The following QSER1 variants were observed in gnomAD, a reference collection of about 807,000 sequenced individuals.
QSER1 encodes the protein glutamine and serine rich 1.
A neutral mutation model predicts 158.5 loss-of-function variants in QSER1; 49 were observed. The observed-to-expected ratio is 0.31, with a 90% CI of 0.25 to 0.39. The LOEUF (loss-of-function observed/expected upper bound fraction) is 0.39, where lower values mean the gene tolerates loss of function less well. Ranked by LOEUF, QSER1 falls within the 10% of genes least tolerant of loss-of-function variation. The pLI, the probability that QSER1 is intolerant of heterozygous loss-of-function variation, is 1.00. For missense variants in QSER1, 1,754 were observed against 2,010.3 expected, an observed-to-expected ratio of 0.87 and a Z score of 2.44; for synonymous variants, 650 against 715.5, an observed-to-expected ratio of 0.91 and a Z score of 1.46.
At chr11:32,923,837 G>A (rs187238091) in intron 1 of QSER1, among the ~76,000 whole-genome samples, 27 of 152,086 alleles carry the variant, frequency 1.8e-4, no homozygotes, top group East Asian at 1.4e-3. Flanking sequence ...GTGTGATGGC[G>A]GGTGCCTGTA....
chr11:32,923,544 G>A (rs1470808820), intron 1 of QSER1, among the ~76,000 whole-genome samples: 1 of 152,110 alleles, frequency 6.6e-6, no homozygotes, highest in Non-Finnish European at 1.5e-5. Flanking sequence ...CTGGCGCAGT[G>A]GTGCACGCCT....
At chr11:32,957,143 T>C (rs1475802951) in intron 7 of QSER1, among the ~76,000 whole-genome samples, 5 of 144,964 alleles carry the variant, frequency 3.4e-5, no homozygotes, top group Non-Finnish European at 6.1e-5. Context: ...TCTTTTTTTT[T>C]TTTTTTTCTT....
chr11:32,932,189 C>A lies in QSER1; in HGVS notation c.931C>A (p.Leu311Ile). Residue 311 changes from leucine to isoleucine, a missense_variant, in exon 4 of 13, where the codon CTT (leucine) becomes ATT (isoleucine). Physicochemically the swap from Leu to Ile is conservative, Grantham distance 5 (BLOSUM62 2). Transcript: ENST00000650167. The stretch of plus-strand genomic sequence containing the variant: ...TTCTACTGCTTCCATTGAAAGAGCT[C>A]TTCTTCGAGAATGTAGTGTTATTAA... ...TSSTASIERA[L>I]LRECSVIKHH... The A allele has an allele frequency of 6.2e-7, 1 of 1,614,198 alleles. No individual in the cohort carries two copies. The highest frequency in any genetic ancestry group is 8.5e-7 in the Non-Finnish European group (1 of 1,180,038).
chr11:32,941,816 C>T (rs1239403977), intron 4 of QSER1, among the ~76,000 whole-genome samples: 3 of 151,888 alleles, frequency 2.0e-5, no homozygotes, highest in Non-Finnish European at 2.9e-5. Flanking sequence ...CACTGACTTC[C>T]ACAATGGTTG....
At chr11:32,963,416 C>T (rs781375079) in intron 8 of QSER1, among the ~76,000 whole-genome samples, 6 of 151,372 alleles carry the variant, frequency 4.0e-5, no homozygotes, top group Non-Finnish European at 7.4e-5. Context: ...AGTGCAGTGG[C>T]GCGATCTCGG....
chr11:32,946,147 C>T (rs1270068677), intron 4 of QSER1, among the ~76,000 whole-genome samples: 1 of 151,538 alleles, frequency 6.6e-6, no homozygotes, highest in Non-Finnish European at 1.5e-5. Context: ...TCTAAATTTT[C>T]TTCAAAGTTT....
intron 1 of QSER1, among the ~76,000 whole-genome samples, chr11:32,924,116 T>C (rs990622857): frequency 6.6e-6 from 1 of 152,112 alleles, no homozygotes; most frequent in Non-Finnish European, 1.5e-5. Context: ...CCTAAACATA[T>C]AAGCAAAAAC....
intron 5 of QSER1, among the ~76,000 whole-genome samples, chr11:32,954,712 A>G (rs968133002): frequency 1.3e-5 from 2 of 152,060 alleles, no homozygotes; most frequent in African/African-American, 4.8e-5. Context: ...TAGAGATGGG[A>G]TCATGCTATG....
Position 32,901,727 on chromosome 11 carries a change from G to A in QSER1, c.209+8393G>A, listed in dbSNP as rs138378237. 1.7e-3 allele frequency among the ~76,000 whole-genome samples: 256 copies of A among 152,306 alleles called. 3 individuals are homozygous for A. The highest frequency in any genetic ancestry group is 5.8e-3 in the African/African-American group (242 of 41,572). On this transcript the variant is annotated intron_variant, in intron 1 of 12. Coordinates refer to ENST00000650167, the MANE Select transcript of QSER1 (RefSeq NM_001076786.3). ...CCAGAGTAACACTGTACCACAGAGCGTTGGTACTAGATTTTAGAGGGCTTC... is the reference window on the plus strand; with the variant it reads ...CCAGAGTAACACTGTACCACAGAGCATTGGTACTAGATTTTAGAGGGCTTC...
At chr11:32,928,698 A>C (rs577908864) in intron 3 of QSER1, among the ~76,000 whole-genome samples, 2 of 152,234 alleles carry the variant, frequency 1.3e-5, no homozygotes, top group South Asian at 4.1e-4. Flanking sequence ...TTTTTGTAGT[A>C]TGACAGGAAT....
chr11:32,941,962 T>G (rs1181477260), intron 4 of QSER1, among the ~76,000 whole-genome samples: 1 of 151,942 alleles, frequency 6.6e-6, no homozygotes. Flanking sequence ...TGGTTTTGAT[T>G]TGCATTTCTC....
intron 1 of QSER1, among the ~76,000 whole-genome samples, chr11:32,911,953 G>C (rs908281284): frequency 2.0e-5 from 3 of 152,176 alleles, no homozygotes; most frequent in African/African-American, 7.2e-5. Flanking sequence ...TTGATTTGCA[G>C]ATAAGTAACA....
At chr11:32,975,788 T>C (rs1852965715) in intron 12 of QSER1, among the ~76,000 whole-genome samples, 1 of 152,188 alleles carries the variant, frequency 6.6e-6, no homozygotes, top group Non-Finnish European at 1.5e-5. Flanking sequence ...AAAGTTAAAA[T>C]TTAATTGTAG....
intron 1 of QSER1, among the ~76,000 whole-genome samples, chr11:32,924,526 A>G (rs1287906864): frequency 1.4e-5 from 2 of 146,938 alleles, no homozygotes; most frequent in African/African-American, 2.5e-5. Context: ...TGCCACTGCA[A>G]TTGAGGTTGG....
chr11:32,895,576 T>C (rs1851544246), intron 1 of QSER1, among the ~76,000 whole-genome samples: 2 of 152,232 alleles, frequency 1.3e-5, no homozygotes, highest in African/African-American at 4.8e-5. Flanking sequence ...ACATATCAGT[T>C]GAATGTTTTT....
At chr11:32,975,893 C>T (rs1639713132) in intron 12 of QSER1, among the ~76,000 whole-genome samples, 2 of 152,148 alleles carry the variant, frequency 1.3e-5, no homozygotes, top group African/African-American at 4.8e-5. Context: ...TGGTTGTAGA[C>T]AATACTACCT....
At chr11:32,924,599 G>T (rs954902221) in intron 1 of QSER1, among the ~76,000 whole-genome samples, 4 of 150,538 alleles carry the variant, frequency 2.7e-5, no homozygotes, top group African/African-American at 7.3e-5. Context: ...AAAGACACTG[G>T]AAAATGAAAG....
intron 1 of QSER1, among the ~76,000 whole-genome samples, chr11:32,895,065 G>A (rs1298847094): frequency 1.3e-5 from 2 of 152,270 alleles, no homozygotes; most frequent in South Asian, 2.1e-4. Context: ...TCTTTTAGTA[G>A]AATACTTCTG....
In QSER1 at chr11:32,934,706, T is replaced by A. The variant is rs1398868597; in HGVS notation, c.3448T>A (p.Ser1150Thr). 1 of 1,613,756 alleles carries A rather than the reference T, an allele frequency of 6.2e-7. No individual in the cohort carries two copies. Among genetic ancestry groups the A allele is most frequent in the East Asian group, 2.2e-5 (1 of 44,864 alleles). Residue 1150 changes from serine to threonine, a missense_variant, in exon 4 of 13, where the codon TCA becomes ACA. Transcript: ENST00000650167. ...AAGTATAAGTGGAGAGAATGCTACA[T>A]CAGAGAGTGAATTTACCTTAGGGGG... Reference protein sequence around the residue: ...SRSISGENATSESEFTLGGDD... With the variant: ...SRSISGENATTESEFTLGGDD...
Sources: allele counts gnomAD v4.1 joint callset (sites outside exome capture counted in the v4.1 genomes callset), GRCh38; gene constraint gnomAD v4.1.1; transcripts MANE v1.5; gene names NCBI Gene and HGNC (gene_info 2026-07-23, HGNC 2026-07-21).